KCNMB4: variants seen among roughly 807,000 people sequenced by gnomAD.
KCNMB4 encodes the protein calcium-activated potassium channel subunit beta-4.
A neutral mutation model predicts 20.7 loss-of-function variants in KCNMB4; 3 were observed. The observed-to-expected ratio is 0.14, with a 90% CI of 0.07 to 0.37. The LOEUF (loss-of-function observed/expected upper bound fraction) is 0.37. KCNMB4 is among the 10% of genes least tolerant of loss of function. KCNMB4 has a pLI of 1.00. For synonymous variants in KCNMB4, 110 were observed against 113.4 expected, an observed-to-expected ratio of 0.97 and a Z score of 0.19; for missense variants, 168 against 265.9, an observed-to-expected ratio of 0.63 and a Z score of 2.56.
At chr12:70,372,344 C>T (rs1367702591) in intron 1 of KCNMB4, among the ~76,000 whole-genome samples, 3 of 152,174 alleles carry the variant, frequency 2.0e-5, no homozygotes, top group South Asian at 2.1e-4. Context: ...CAAATGATCC[C>T]TCTCGCTGCT....
intron 1 of KCNMB4, among the ~76,000 whole-genome samples, chr12:70,378,250 C>T (rs978500916): frequency 2.6e-5 from 4 of 151,986 alleles, no homozygotes; most frequent in Admixed American, 6.5e-5. Flanking sequence ...GCCACCGCGC[C>T]CGGCCTTCAA....
At chr12:70,396,935 G>T (rs145995824) in intron 1 of KCNMB4, among the ~76,000 whole-genome samples, 6 of 152,168 alleles carry the variant, frequency 3.9e-5, no homozygotes, top group Admixed American at 3.3e-4. Flanking sequence ...GGCAATCTAC[G>T]ATGATACACT....
rs1047309598 is a variant in KCNMB4, at chr12:70,366,319, G to C, written c.-416G>C. 2 of 151,978 alleles carry C rather than the reference G, an allele frequency of 1.3e-5. No individual in the cohort carries two copies. Among genetic ancestry groups the C allele is most frequent in the African/African-American group, 4.8e-5 (2 of 41,384 alleles). 9.4% of individuals were successfully genotyped at this position (151,978 alleles called of 1,614,324 possible). A position where few individuals can be genotyped will look rare whatever the true frequency, so the allele number is the denominator to read the frequency against. On this transcript the variant is annotated 5_prime_UTR_variant, in exon 1 of 3. Transcript: ENST00000258111. ...ACTCCTAGCCTTGGGGCAGCTGCCG[G>C]GCGAGTCAGCGGAGTAGCGGCCAGC... is the stretch of plus-strand genomic sequence containing the variant.
At chr12:70,421,468 AAG>A (rs773676551) in intron 2 of KCNMB4, among the ~76,000 whole-genome samples, 81 of 139,434 alleles carry the variant, frequency 5.8e-4, no homozygotes, top group Middle Eastern at 3.6e-3. Flanking sequence ...TGTCTCAAAA[AAG>A]AAAAAAAAAA....
At chr12:70,381,326 A>G (rs1565855451) in intron 1 of KCNMB4, among the ~76,000 whole-genome samples, 1 of 152,246 alleles carries the variant, frequency 6.6e-6, no homozygotes, top group African/African-American at 2.4e-5. Flanking sequence ...ACAGTTTGAC[A>G]GTTCCTCAAA....
At chr12:70,384,803 G>A (rs1215688682) in intron 1 of KCNMB4, among the ~76,000 whole-genome samples, 1 of 138,996 alleles carries the variant, frequency 7.2e-6, no homozygotes, top group Non-Finnish European at 1.5e-5. Flanking sequence ...GAGCCCAGGA[G>A]TTTAAGGTTA....
chr12:70,397,805 T>TACA (rs1565860247), intron 1 of KCNMB4, among the ~76,000 whole-genome samples: 4 of 152,188 alleles, frequency 2.6e-5, no homozygotes, highest in Non-Finnish European at 4.4e-5. Context: ...TGGTTATGAA[T>TACA]TGTTCTTTCC....
At chr12:70,398,151 A>G (rs945545405) in intron 1 of KCNMB4, among the ~76,000 whole-genome samples, 2 of 152,098 alleles carry the variant, frequency 1.3e-5, no homozygotes, top group Admixed American at 1.3e-4. Context: ...GCTGGCTGGA[A>G]TACTGGCTTA....
intron 1 of KCNMB4, among the ~76,000 whole-genome samples, chr12:70,375,479 T>TAAA (rs72220922): frequency 2.4e-4 from 35 of 147,064 alleles, no homozygotes; most frequent in African/African-American, 5.2e-4. Flanking sequence ...CTACAAAAAT[T>TAAA]AAAAAAAAAA....
chr12:70,401,996 A>T (rs1465280885), intron 2 of KCNMB4, among the ~76,000 whole-genome samples: 2 of 152,148 alleles, frequency 1.3e-5, no homozygotes, highest in African/African-American at 4.8e-5. Flanking sequence ...GAGCTGCAAA[A>T]CATTTGTCAC....
chr12:70,419,114 A>G (rs182403948), intron 2 of KCNMB4, among the ~76,000 whole-genome samples: 11 of 152,330 alleles, frequency 7.2e-5, no homozygotes, highest in South Asian at 6.2e-4. Context: ...CAGACATGCT[A>G]TATCACAGCA....
chr12:70,402,480 A>G (rs966102123), intron 2 of KCNMB4, among the ~76,000 whole-genome samples: 3 of 151,764 alleles, frequency 2.0e-5, no homozygotes, highest in African/African-American at 7.3e-5. Context: ...CTGTCTCTAC[A>G]AAAAATTTTA....
intron 2 of KCNMB4, among the ~76,000 whole-genome samples, chr12:70,416,103 A>T (rs1868907524): frequency 6.6e-6 from 1 of 152,194 alleles, no homozygotes. Context: ...TTGGATCCTC[A>T]GCCCTTCCTG....
intron 2 of KCNMB4, among the ~76,000 whole-genome samples, chr12:70,429,398 G>A (rs540329272): frequency 6.6e-6 from 1 of 152,260 alleles, no homozygotes. Context: ...CGGGTGCGGT[G>A]ACTCACGCCT....
At chr12:70,382,193 C>G (rs1042486513) in intron 1 of KCNMB4, among the ~76,000 whole-genome samples, 1 of 151,906 alleles carries the variant, frequency 6.6e-6, no homozygotes, top group Non-Finnish European at 1.5e-5. Flanking sequence ...CGCCTGTAAT[C>G]CCAGCACTTT....
intron 2 of KCNMB4, among the ~76,000 whole-genome samples, chr12:70,429,809 C>T (rs1869311646): frequency 6.6e-6 from 1 of 152,072 alleles, no homozygotes; most frequent in African/African-American, 2.4e-5. Context: ...AATAGAGCCT[C>T]ACATTGACAA....
At chr12:70,420,944 G>GCTACT (rs5798981) in intron 2 of KCNMB4, among the ~76,000 whole-genome samples, 48,707 of 151,042 alleles carry the variant, frequency 0.32, 7,959 homozygotes, top group East Asian at 0.53. Flanking sequence ...TGTAGTCCCA[G>GCTACT]CGGGAGGCTG....
At chr12:70,422,832 A>C in intron 2 of KCNMB4, 1 of 1,246,818 alleles carries the variant, frequency 8.0e-7, no homozygotes, top group Non-Finnish European at 1.0e-6. Flanking sequence ...GATGGATAAA[A>C]AATAATTACC....
At chr12:70,394,483 C>T (rs1868332915) in intron 1 of KCNMB4, among the ~76,000 whole-genome samples, 1 of 152,120 alleles carries the variant, frequency 6.6e-6, no homozygotes, top group Non-Finnish European at 1.5e-5. Context: ...TTTCATTTAG[C>T]TTTCAGATGT....
Sources: allele counts gnomAD v4.1 joint callset (sites outside exome capture counted in the v4.1 genomes callset), GRCh38; gene constraint gnomAD v4.1.1; transcripts MANE v1.5; gene names NCBI Gene and HGNC (gene_info 2026-07-23, HGNC 2026-07-21).